TRAM2: variants seen among roughly 807,000 people sequenced by gnomAD.
TRAM2 encodes translocation associated membrane protein 2.
Under a neutral mutation model 51.0 loss-of-function variants are expected in TRAM2, and 12 were observed. The ratio of observed to expected loss-of-function variants is 0.24; its 90% confidence interval spans 0.15 to 0.38. The LOEUF (loss-of-function observed/expected upper bound fraction) is 0.38. Among genes scored for constraint, TRAM2 ranks in the 10% least tolerant of loss-of-function variants. The pLI, the probability that TRAM2 is intolerant of heterozygous loss-of-function variation, is 1.00. For missense variants in TRAM2, 361 were observed against 462.0 expected, an observed-to-expected ratio of 0.78 and a Z score of 2.00; for synonymous variants, 175 against 179.4, an observed-to-expected ratio of 0.98 and a Z score of 0.20.
intron 2 of TRAM2, among the ~76,000 whole-genome samples, chr6:52,518,265 G>A (rs1269737971): frequency 6.6e-6 from 1 of 152,102 alleles, no homozygotes; most frequent in African/African-American, 2.4e-5. Flanking sequence ...GGCCGGTATT[G>A]GGGACATCCT....
chr6:52,517,843 A>C (rs531966150), intron 2 of TRAM2, among the ~76,000 whole-genome samples: 28 of 152,198 alleles, frequency 1.8e-4, no homozygotes, highest in Non-Finnish European at 3.5e-4. Context: ...TCACTCTGGG[A>C]GTCCACCCTA....
At chr6:52,548,303 T>C (rs1767246165) in intron 1 of TRAM2, among the ~76,000 whole-genome samples, 1 of 152,194 alleles carries the variant, frequency 6.6e-6, no homozygotes, top group African/African-American at 2.4e-5. Context: ...TCTTTGAATA[T>C]TTACTGCAAG....
chr6:52,505,926 G>T, intron 8 of TRAM2, 106 bp downstream of exon 8: 1 of 1,411,176 alleles, frequency 7.1e-7, no homozygotes, highest in Non-Finnish European at 9.8e-7. Flanking sequence ...CCACCTGCAG[G>T]TAAGCGGGCA....
rs1314466949 is a variant in TRAM2, at chr6:52,516,650, A to C, written c.272T>G (p.Val91Gly). 5.6e-6 allele frequency: 9 copies of C among 1,614,060 alleles called. No homozygotes were observed. The highest frequency in any genetic ancestry group is 7.6e-6 in the Non-Finnish European group (9 of 1,179,922). Residue 91 changes from valine to glycine, a missense_variant, in exon 3 of 11, where the codon GTG becomes GGG. By Grantham distance (109) the Val-to-Gly change is moderately radical. Transcript: ENST00000182527. Reference protein sequence around the residue: ...YIFITIILHAVVQEYILDKIS... With the variant: ...YIFITIILHAGVQEYILDKIS... The stretch of plus-strand genomic sequence containing the variant: ...TACATCTAAAATGTACTCCTGAACC[A>C]CAGCATGCAAGATGATGGTGATGAA...
At position 52,563,446 on chromosome 6, in the gene TRAM2, G is replaced by A. The variant is rs140436877; in HGVS notation, c.120+13350C>T. ...AAAAAGTGGTTACTTGGGGCCGGGC[G>A]TGGTGGCTCACATCTGTAACCCCAG... On this transcript the variant is annotated intron_variant, in intron 1 of 10. Transcript: ENST00000182527. 6.8e-3 allele frequency among the ~76,000 whole-genome samples: 1,038 copies of A among 152,262 alleles called. 7 individuals are homozygous for A. The highest frequency in any genetic ancestry group is 0.011 in the Non-Finnish European group (751 of 68,008).
intron 1 of TRAM2, among the ~76,000 whole-genome samples, chr6:52,555,295 C>T (rs1375123633): frequency 6.6e-6 from 1 of 151,734 alleles, no homozygotes; most frequent in African/African-American, 2.4e-5. Flanking sequence ...CAACCCACCA[C>T]CTCTCCCCCA....
At chr6:52,541,703 G>C (rs1321253222) in intron 1 of TRAM2, among the ~76,000 whole-genome samples, 1 of 152,062 alleles carries the variant, frequency 6.6e-6, no homozygotes, top group African/African-American at 2.4e-5. Flanking sequence ...TTCACTGCAA[G>C]TTGTTAGCTG....
In TRAM2 at chr6:52,520,425, C is replaced by T. The variant is rs533261698; in HGVS notation, c.185-3688G>A. 4.6e-5 allele frequency among the ~76,000 whole-genome samples: 7 copies of T among 152,298 alleles called. 1 individual carries two copies. The South Asian group carries it at 1.2e-3, about 27-fold the overall frequency. ...GCCAGGAGAGCAGTCAGAAGGTGCC[C>T]GTGGGAATTCCAGGCAGAGCAATCG... On this transcript the variant is annotated intron_variant, in intron 2 of 10. Coordinates refer to ENST00000182527, the MANE Select transcript of TRAM2 (RefSeq NM_012288.4).
chr6:52,517,465 C>T (rs534137199), intron 2 of TRAM2: 6 of 152,334 alleles, frequency 3.9e-5, no homozygotes, highest in Non-Finnish European at 8.8e-5. Flanking sequence ...CAACAATTTA[C>T]AGTAAGTCTG....
At chr6:52,544,077 CCTG>C (rs914759044) in intron 1 of TRAM2, among the ~76,000 whole-genome samples, 2 of 152,178 alleles carry the variant, frequency 1.3e-5, no homozygotes, top group Admixed American at 6.5e-5. Context: ...TGGATTAGAG[CCTG>C]CTAAGAAAAT....
At chr6:52,560,249 T>TAA (rs749424944) in intron 1 of TRAM2, among the ~76,000 whole-genome samples, 5 of 127,800 alleles carry the variant, frequency 3.9e-5, no homozygotes, top group Admixed American at 1.6e-4. Context: ...CTGTCTCAAA[T>TAA]AAAAAAAAAA....
intron 1 of TRAM2, among the ~76,000 whole-genome samples, chr6:52,563,395 A>G (rs938635860): frequency 2.6e-5 from 4 of 152,176 alleles, no homozygotes; most frequent in Non-Finnish European, 4.4e-5. Context: ...AAATAAACCC[A>G]ACAAGACAAA....
intron 1 of TRAM2, among the ~76,000 whole-genome samples, chr6:52,549,808 T>C (rs1166815143): frequency 1.3e-5 from 2 of 152,188 alleles, no homozygotes; most frequent in East Asian, 1.9e-4. Flanking sequence ...TAAGAAGCAA[T>C]GGTGATTCTA....
chr6:52,560,804 A>G (rs1207570988), intron 1 of TRAM2, among the ~76,000 whole-genome samples: 1 of 152,246 alleles, frequency 6.6e-6, no homozygotes, highest in Admixed American at 6.5e-5. Flanking sequence ...TATCACTCTC[A>G]GATCAAAATA....
intron 2 of TRAM2, chr6:52,524,937 A>G (rs1460529925): frequency 6.6e-6 from 1 of 152,270 alleles, no homozygotes; most frequent in Non-Finnish European, 1.5e-5. Flanking sequence ...CTATGCAAAT[A>G]GATGAAAGTA....
chr6:52,497,649 C>G lies in TRAM2; in HGVS notation c.*5548G>C, dbSNP rs761334801. On this transcript the variant is annotated 3_prime_UTR_variant, in exon 11 of 11. Coordinates refer to ENST00000182527, the MANE Select transcript of TRAM2 (RefSeq NM_012288.4). ...TTGAGTTCCTTGTTGAAATTTGGTCCATATGAACAGGCTAGAGTAGAAAAC... is the reference window on the plus strand; with the variant it reads ...TTGAGTTCCTTGTTGAAATTTGGTCGATATGAACAGGCTAGAGTAGAAAAC... 2.0e-5 allele frequency: 3 copies of G among 152,458 alleles called. No individual in the cohort carries two copies. The highest frequency in any genetic ancestry group is 4.4e-5 in the Non-Finnish European group (3 of 68,018). The allele number at this position is 152,458 out of a possible 1,614,324, so 9.4% of individuals were successfully genotyped here. A position where few individuals can be genotyped will look rare whatever the true frequency, so the allele number is the denominator to read the frequency against.
chr6:52,509,656 C>G, intron 4 of TRAM2, 70 bp from the exon 5 acceptor site: 2 of 1,473,998 alleles, frequency 1.4e-6, no homozygotes, highest in Non-Finnish European at 1.9e-6. Context: ...TGGGACCGGT[C>G]CAGGGGTCAG....
intron 2 of TRAM2, chr6:52,523,117 C>T (rs974747629): frequency 1.4e-5 from 6 of 424,264 alleles, no homozygotes; most frequent in South Asian, 7.7e-5. Flanking sequence ...AGTTTCTTTC[C>T]GAATCCCTGC....
intron 7 of TRAM2, among the ~76,000 whole-genome samples, chr6:52,506,700 G>A (rs1028605454): frequency 1.3e-5 from 2 of 152,194 alleles, no homozygotes; most frequent in Non-Finnish European, 2.9e-5. Flanking sequence ...CACAAGGGCA[G>A]AGCTGGCATC....
Sources: allele counts gnomAD v4.1 joint callset (sites outside exome capture counted in the v4.1 genomes callset), GRCh38; gene constraint gnomAD v4.1.1; transcripts MANE v1.5; gene names NCBI Gene and HGNC (gene_info 2026-07-23, HGNC 2026-07-21).